ROR1: variants seen among roughly 807,000 people sequenced by gnomAD.
ROR1 encodes inactive tyrosine-protein kinase transmembrane receptor ROR1.
Under a neutral mutation model 78.8 loss-of-function variants are expected in ROR1, and 19 were observed. The ratio of observed to expected loss-of-function variants is 0.24; its 90% CI spans 0.17 to 0.35. ROR1 has a LOEUF of 0.35. Ranked by LOEUF, ROR1 falls within the 10% of genes least tolerant of loss-of-function variation. ROR1 has a pLI of 1.00. For missense variants in ROR1, 917 were observed against 1,177.8 expected, an observed-to-expected ratio of 0.78 and a Z score of 3.24; for synonymous variants, 386 against 433.6, an observed-to-expected ratio of 0.89 and a Z score of 1.36.
chr1:64,156,834 G>A (rs1026406751), intron 7 of ROR1, among the ~76,000 whole-genome samples: 2 of 151,968 alleles, frequency 1.3e-5, no homozygotes, highest in African/African-American at 4.8e-5. Flanking sequence ...ACCCTACTAT[G>A]AGAAAATAGG....
intron 1 of ROR1, among the ~76,000 whole-genome samples, chr1:63,954,652 A>AT (rs1182717458): frequency 3.3e-5 from 5 of 152,238 alleles, no homozygotes; most frequent in Non-Finnish European, 5.9e-5. Flanking sequence ...CTGTACAGGC[A>AT]TTTTTTTCTT....
intron 4 of ROR1, among the ~76,000 whole-genome samples, chr1:64,088,851 C>G (rs966802390): frequency 2.0e-5 from 3 of 152,140 alleles, no homozygotes; most frequent in African/African-American, 7.2e-5. Flanking sequence ...GAAAGCAATA[C>G]AGACTGCAGA....
chr1:63,791,558 C>T (rs1644727014), intron 1 of ROR1, among the ~76,000 whole-genome samples: 1 of 152,104 alleles, frequency 6.6e-6, no homozygotes, highest in African/African-American at 2.4e-5. Context: ...TCCCCTTGAA[C>T]CTCAGCTGCT....
chr1:63,805,611 A>G (rs1315948368), intron 1 of ROR1, among the ~76,000 whole-genome samples: 1 of 152,204 alleles, frequency 6.6e-6, no homozygotes, highest in Non-Finnish European at 1.5e-5. Flanking sequence ...CAAAAAGGTG[A>G]TGTCTTGGTA....
chr1:63,778,383 G>A (rs570563532), intron 1 of ROR1, among the ~76,000 whole-genome samples: 1 of 152,344 alleles, frequency 6.6e-6, no homozygotes, highest in South Asian at 2.1e-4. Flanking sequence ...GACTTGGAGT[G>A]TTTGATGCCT....
chr1:64,062,745 A>T lies in ROR1; in HGVS notation c.482+12029A>T, dbSNP rs997677029. Among the ~76,000 whole-genome samples, 7 of 152,358 alleles carry T rather than the reference A, an allele frequency of 4.6e-5. No homozygotes were observed. The East Asian group carries it at 1.2e-3, about 25-fold the overall frequency. ...CCATTATTGATTCATCACGTCTTGTACACTCATAGAGCTTTTTGAGGGAAA... is the reference window on the plus strand; with the variant it reads ...CCATTATTGATTCATCACGTCTTGTTCACTCATAGAGCTTTTTGAGGGAAA... On this transcript the variant is annotated intron_variant, in intron 4 of 8. Coordinates refer to ENST00000371079, the MANE Select transcript of ROR1 (RefSeq NM_005012.4).
chr1:63,920,226 G>C (rs1645643541), intron 1 of ROR1, among the ~76,000 whole-genome samples: 1 of 151,914 alleles, frequency 6.6e-6, no homozygotes, highest in Non-Finnish European at 1.5e-5. Flanking sequence ...AAATTAAATG[G>C]AAAAAAAATT....
chr1:63,991,866 A>G (rs1646298888), intron 1 of ROR1, among the ~76,000 whole-genome samples: 2 of 152,182 alleles, frequency 1.3e-5, no homozygotes, highest in South Asian at 2.1e-4. Flanking sequence ...ATGAAATGCA[A>G]TGACCCTTCT....
chr1:64,067,479 A>T (rs1432992467), intron 4 of ROR1, among the ~76,000 whole-genome samples: 3 of 141,164 alleles, frequency 2.1e-5, no homozygotes, highest in Non-Finnish European at 3.1e-5. Context: ...GCCATACTTG[A>T]TCTGTACTTA....
At chr1:64,024,870 T>A (rs969655864) in intron 2 of ROR1, among the ~76,000 whole-genome samples, 1 of 152,240 alleles carries the variant, frequency 6.6e-6, no homozygotes, top group African/African-American at 2.4e-5. Flanking sequence ...AAGGTTGAAT[T>A]TTTTATGTTT....
chr1:63,922,696 A>C (rs1645666458), intron 1 of ROR1, among the ~76,000 whole-genome samples: 1 of 152,142 alleles, frequency 6.6e-6, no homozygotes, highest in Non-Finnish European at 1.5e-5. Context: ...GATGAGCTTT[A>C]ACACAGCTTA....
intron 4 of ROR1, among the ~76,000 whole-genome samples, chr1:64,097,629 A>AT (rs1210590602): frequency 6.6e-6 from 1 of 151,858 alleles, no homozygotes; most frequent in Admixed American, 6.6e-5. Flanking sequence ...GAACAAAGTT[A>AT]TTTTGTCCTA....
rs1645240980 is a variant in ROR1, at chr1:63,869,895, C to A, written c.91+95387C>A. On this transcript the variant is annotated intron_variant, in intron 1 of 8. Transcript: ENST00000371079. ...AAGTAACCTCACATAAGTATCCTAA[C>A]TCTTATTTTCCAAATGTTAATGCTT... is the stretch of plus-strand genomic sequence containing the variant. 2.0e-5 allele frequency among the ~76,000 whole-genome samples: 3 copies of A among 152,178 alleles called. No homozygotes were observed. In the South Asian group the frequency reaches 6.2e-4, roughly 31 times the overall value.
intron 4 of ROR1, among the ~76,000 whole-genome samples, chr1:64,057,552 G>T (rs1177641282): frequency 6.6e-6 from 1 of 152,198 alleles, no homozygotes; most frequent in African/African-American, 2.4e-5. Flanking sequence ...TCATGCCATA[G>T]TCCACAGGTA....
intron 1 of ROR1, among the ~76,000 whole-genome samples, chr1:63,886,173 C>A (rs1332427238): frequency 6.6e-6 from 1 of 152,140 alleles, no homozygotes; most frequent in Non-Finnish European, 1.5e-5. Flanking sequence ...GGAAGTGGAG[C>A]TCAGGTGGTG....
intron 2 of ROR1, among the ~76,000 whole-genome samples, chr1:64,041,190 A>G (rs559659569): frequency 6.6e-6 from 1 of 152,268 alleles, no homozygotes; most frequent in South Asian, 2.1e-4. Context: ...GGAAAATCCT[A>G]TGTATATATA....
At chr1:64,140,683 A>G (rs1051789588) in intron 6 of ROR1, among the ~76,000 whole-genome samples, 4 of 152,230 alleles carry the variant, frequency 2.6e-5, no homozygotes, top group African/African-American at 7.2e-5. Flanking sequence ...TGACCTAGCA[A>G]TTCTACTCCT....
intron 4 of ROR1, among the ~76,000 whole-genome samples, chr1:64,051,764 C>CA (rs945881422): frequency 2.0e-4 from 31 of 151,320 alleles, no homozygotes; most frequent in East Asian, 7.8e-4. Flanking sequence ...TCTTACTCTA[C>CA]AAAAAAAAAT....
intron 4 of ROR1, among the ~76,000 whole-genome samples, chr1:64,055,000 C>T (rs78369477): frequency 0.043 from 6,606 of 152,220 alleles, 487 homozygotes; most frequent in African/African-American, 0.15. Context: ...TTCCCCTTTT[C>T]ATAAGGACAC....
Sources: allele counts gnomAD v4.1 joint callset (sites outside exome capture counted in the v4.1 genomes callset), GRCh38; gene constraint gnomAD v4.1.1; transcripts MANE v1.5; gene names NCBI Gene and HGNC (gene_info 2026-07-23, HGNC 2026-07-21).